ST6GALNAC5: variants seen among roughly 807,000 people sequenced by gnomAD.
ST6GALNAC5 encodes the protein alpha-N-acetylgalactosaminide alpha-2,6-sialyltransferase 5.
Under a neutral mutation model 33.6 loss-of-function variants are expected in ST6GALNAC5, and 27 were observed. The observed-to-expected ratio is 0.80, with a 90% CI of 0.59 to 1.11. The LOEUF is 1.11. Ranked by LOEUF, ST6GALNAC5 falls within the 50% of genes least tolerant of loss-of-function variation. ST6GALNAC5 has a pLI of 0.00. For synonymous variants in ST6GALNAC5, 194 were observed against 171.2 expected (o/e 1.13, Z -1.04); for missense variants, 428 against 454.0 (o/e 0.94, Z 0.52).
At chr1:76,896,815 G>A (rs969127039) in intron 2 of ST6GALNAC5, among the ~76,000 whole-genome samples, 2 of 152,130 alleles carry the variant, frequency 1.3e-5, no homozygotes, top group African/African-American at 4.8e-5. Context: ...CATAGTTTGT[G>A]ATTTTTAGGG....
At chr1:77,058,482 C>T (rs1313387940) in intron 4 of ST6GALNAC5, among the ~76,000 whole-genome samples, 4 of 152,144 alleles carry the variant, frequency 2.6e-5, no homozygotes, top group Non-Finnish European at 4.4e-5. Context: ...GAGCCTGGCA[C>T]CTCCCCCTTT....
chr1:76,983,976 A>T (rs1435261664), intron 2 of ST6GALNAC5, among the ~76,000 whole-genome samples: 1 of 152,240 alleles, frequency 6.6e-6, no homozygotes, highest in African/African-American at 2.4e-5. Flanking sequence ...GAACAAAGAC[A>T]CAACGTGTCA....
intron 2 of ST6GALNAC5, among the ~76,000 whole-genome samples, chr1:76,968,558 T>C (rs1291487919): frequency 2.0e-5 from 3 of 152,220 alleles, no homozygotes; most frequent in Admixed American, 2.0e-4. Flanking sequence ...TGCCTTTTAA[T>C]TGGGGCATTT....
Position 77,064,283 on chromosome 1 carries a change from A to G in ST6GALNAC5, c.*1077A>G, listed in dbSNP as rs1420368410. On this transcript the variant is annotated 3_prime_UTR_variant, in exon 5 of 5. Transcript: ENST00000477717. ...ATTTTGGGGAGCCTTATCTACATTC[A>G]TATTACTTATATCACTCTTGTGGTT... is the stretch of plus-strand genomic sequence containing the variant. The G allele has an allele frequency of 6.6e-6, 1 of 152,080 alleles. No homozygotes were observed. The highest frequency in any genetic ancestry group is 6.6e-5 in the Admixed American group (1 of 15,264). 9.4% of individuals were successfully genotyped at this position (152,080 alleles called of 1,614,324 possible).
intron 2 of ST6GALNAC5, among the ~76,000 whole-genome samples, chr1:76,916,990 C>A (rs1438184636): frequency 6.6e-6 from 1 of 152,012 alleles, no homozygotes; most frequent in African/African-American, 2.4e-5. Flanking sequence ...AATAGAAATT[C>A]TAAATAGAAT....
chr1:77,034,308 T>G, intron 2 of ST6GALNAC5, among the ~76,000 whole-genome samples: 1 of 151,952 alleles, frequency 6.6e-6, no homozygotes, highest in Non-Finnish European at 1.5e-5. Flanking sequence ...CACGTGGTGC[T>G]CTCCCTGTGT....
At chr1:77,036,791 T>G (rs1651660426) in intron 2 of ST6GALNAC5, among the ~76,000 whole-genome samples, 1 of 152,272 alleles carries the variant, frequency 6.6e-6, no homozygotes, top group South Asian at 2.1e-4. Flanking sequence ...AGATACTGTG[T>G]GAATAACACA....
rs192131537 is a variant in ST6GALNAC5 at position 76,941,674 on chromosome 1, G to A, written c.261+72932G>A. 7.8e-4 allele frequency among the ~76,000 whole-genome samples: 118 copies of A among 152,182 alleles called. 1 individual carries two copies. The highest frequency in any genetic ancestry group is 2.6e-3 in the African/African-American group (108 of 41,554). The stretch of plus-strand genomic sequence containing the variant: ...GAAGAGGAGAAGGCCATGGGAAGAC[G>A]GAGGCAGAGACTGGAGTGAGGCAAT... On this transcript the variant is annotated intron_variant, in intron 2 of 4. Coordinates refer to ENST00000477717, the MANE Select transcript of ST6GALNAC5 (RefSeq NM_030965.3).
intron 2 of ST6GALNAC5, among the ~76,000 whole-genome samples, chr1:76,980,531 GCTACTTAGTACTT>G (rs1368372514): frequency 6.6e-6 from 1 of 152,120 alleles, no homozygotes; most frequent in Non-Finnish European, 1.5e-5. Context: ...TATATATTTT[GCTACTTAGTACTT>G]CTACACCTTG....
chr1:76,939,418 C>T (rs936398561), intron 2 of ST6GALNAC5, among the ~76,000 whole-genome samples: 2 of 152,068 alleles, frequency 1.3e-5, no homozygotes, highest in Non-Finnish European at 2.9e-5. Context: ...TCAGGACCCA[C>T]TGTCGATGGA....
At chr1:76,942,345 A>G (rs538658323) in intron 2 of ST6GALNAC5, among the ~76,000 whole-genome samples, 1 of 152,098 alleles carries the variant, frequency 6.6e-6, no homozygotes, top group South Asian at 2.1e-4. Flanking sequence ...ATTCTCACAC[A>G]TTGGTCACAT....
chr1:76,911,247 A>T (rs9661727), intron 2 of ST6GALNAC5, among the ~76,000 whole-genome samples: 52,788 of 151,958 alleles, frequency 0.35, 10,270 homozygotes, highest in Non-Finnish European at 0.43. Flanking sequence ...GATTACATTT[A>T]TTGATTTGCG....
At chr1:77,055,992 C>G (rs1221250071) in intron 4 of ST6GALNAC5, among the ~76,000 whole-genome samples, 1 of 152,158 alleles carries the variant, frequency 6.6e-6, no homozygotes, top group African/African-American at 2.4e-5. Flanking sequence ...CTAGCAAATT[C>G]AGATTTTGAG....
At chr1:76,906,835 C>A (rs1646868464) in intron 2 of ST6GALNAC5, among the ~76,000 whole-genome samples, 1 of 152,156 alleles carries the variant, frequency 6.6e-6, no homozygotes, top group African/African-American at 2.4e-5. Flanking sequence ...TTTATTTCAA[C>A]ATATTCAAAA....
chr1:77,055,305 G>T (rs187568337), intron 4 of ST6GALNAC5, among the ~76,000 whole-genome samples: 2 of 152,272 alleles, frequency 1.3e-5, no homozygotes, highest in Non-Finnish European at 2.9e-5. Context: ...TCACCCTGCA[G>T]ACACCTGTTC....
intron 2 of ST6GALNAC5, chr1:76,869,118 A>G (rs372606742): frequency 2.6e-4 from 56 of 214,550 alleles, no homozygotes; most frequent in African/African-American, 1.2e-3. Context: ...TGGCGCGGGT[A>G]CCAGCCTGAG....
At chr1:76,869,398 T>C (rs919492736) in intron 2 of ST6GALNAC5, among the ~76,000 whole-genome samples, 1 of 152,232 alleles carries the variant, frequency 6.6e-6, no homozygotes, top group Non-Finnish European at 1.5e-5. Context: ...TTTTTTAAAA[T>C]TGGGCCTCCT....
chr1:76,872,098 CACACACACACACACACACACCA>C (rs1470387456), intron 2 of ST6GALNAC5, among the ~76,000 whole-genome samples: 15 of 138,520 alleles, frequency 1.1e-4, no homozygotes, highest in African/African-American at 3.7e-4. Flanking sequence ...CACACACACA[CACACACACACACACACACACCA>C]CACACATTAA....
At chr1:76,997,748 C>G (rs1256612478) in intron 2 of ST6GALNAC5, among the ~76,000 whole-genome samples, 1 of 152,164 alleles carries the variant, frequency 6.6e-6, no homozygotes, top group Admixed American at 6.5e-5. Flanking sequence ...CCTGTAATCT[C>G]AATGCTTTGA....
Sources: gnomAD v4.1 joint callset for allele counts (sites outside exome capture counted in the v4.1 genomes callset) on GRCh38, gnomAD v4.1.1 for gene constraint, MANE v1.5 for transcripts, NCBI Gene and HGNC (gene_info 2026-07-23, HGNC 2026-07-21) for gene names.